Variants in SLC14A2 observed in about 807,000 individuals in gnomAD.
SLC14A2 encodes the protein urea transporter 2.
In SLC14A2, 91 loss-of-function variants were observed where a neutral mutation model predicts 104.6. The observed-to-expected ratio is 0.87, with a 90% CI of 0.73 to 1.04. The LOEUF is 1.04. Among genes scored for constraint, SLC14A2 ranks in the 50% least tolerant of loss-of-function variants. The pLI, the probability that SLC14A2 is intolerant of heterozygous loss-of-function variation, is 0.00. For missense variants in SLC14A2, 1,189 were observed against 1,156.0 expected (o/e 1.03, Z -0.41); for synonymous variants, 476 against 466.4 (o/e 1.02, Z -0.27).
At chr18:45,582,858 G>A (rs565114427) in intron 2 of SLC14A2, among the ~76,000 whole-genome samples, 3 of 152,238 alleles carry the variant, frequency 2.0e-5, no homozygotes, top group East Asian at 1.9e-4. Context: ...CACTCCAGAT[G>A]ACAAAATGGA....
chr18:45,460,387 A>C (rs1337632916), intron 1 of SLC14A2, among the ~76,000 whole-genome samples: 1 of 152,146 alleles, frequency 6.6e-6, no homozygotes, highest in Admixed American at 6.5e-5. Context: ...ACATGTACAC[A>C]CTAGGGCTGC....
At chr18:45,173,556 G>A in the SLC14A2 span, among the ~76,000 whole-genome samples, 19 of 152,018 alleles carry the variant, frequency 1.2e-4, no homozygotes, top group African/African-American at 4.6e-4. Flanking sequence ...CCCGAGAGAA[G>A]TCAGGTCTGC....
At chr18:45,535,922 C>T (rs2043773201) in intron 2 of SLC14A2, among the ~76,000 whole-genome samples, 1 of 152,084 alleles carries the variant, frequency 6.6e-6, no homozygotes, top group Non-Finnish European at 1.5e-5. Context: ...GACATTTAAT[C>T]AAAGGAACAA....
At chr18:45,235,793 G>GCA (rs1270633086) in intron 1 of SLC14A2, among the ~76,000 whole-genome samples, 6 of 127,928 alleles carry the variant, frequency 4.7e-5, no homozygotes, top group African/African-American at 1.0e-4. Flanking sequence ...CAATGTGTAT[G>GCA]CGCGTGTGTG....
At chr18:45,610,636 T>C (rs2044957728), upstream of SLC14A2, among the ~76,000 whole-genome samples, 2 of 152,198 alleles carry the variant, frequency 1.3e-5, no homozygotes, top group Non-Finnish European at 2.9e-5. Flanking sequence ...TGTCTCCTGG[T>C]AGGTTTCAGC....
intron 2 of SLC14A2, among the ~76,000 whole-genome samples, chr18:45,567,354 T>A (rs900450243): frequency 1.3e-4 from 20 of 152,074 alleles, no homozygotes; most frequent in Non-Finnish European, 2.5e-4. Flanking sequence ...TCCACTGGCC[T>A]GCATTTGACC....
intron 2 of SLC14A2, among the ~76,000 whole-genome samples, chr18:45,513,634 C>CAG (rs1555698940): frequency 6.6e-6 from 1 of 152,054 alleles, no homozygotes; most frequent in Non-Finnish European, 1.5e-5. Flanking sequence ...AGATTTTATC[C>CAG]ATATATACAT....
At chr18:45,476,581 A>G (rs1040376703) in intron 1 of SLC14A2, among the ~76,000 whole-genome samples, 2 of 152,080 alleles carry the variant, frequency 1.3e-5, no homozygotes, top group African/African-American at 4.8e-5. Flanking sequence ...GTGTTTTCCA[A>G]CTTGGTTCCA....
intron 1 of SLC14A2, among the ~76,000 whole-genome samples, chr18:45,364,022 G>A (rs543689391): frequency 7.3e-4 from 111 of 152,224 alleles, no homozygotes; most frequent in Non-Finnish European, 1.3e-3. Context: ...CCTAATAACT[G>A]TACCCATCCT....
intron 1 of SLC14A2, among the ~76,000 whole-genome samples, chr18:45,481,793 C>T (rs1320440430): frequency 2.0e-5 from 3 of 152,202 alleles, no homozygotes; most frequent in Admixed American, 6.5e-5. Flanking sequence ...ATTTTCAGGA[C>T]TTCTGTGTCC....
chr18:45,472,590 G>C (rs148416317), intron 1 of SLC14A2, among the ~76,000 whole-genome samples: 31,919 of 152,014 alleles, frequency 0.21, 3,763 homozygotes, highest in Non-Finnish European at 0.27. Context: ...AGATGGTATC[G>C]CATTGTGGTT....
At chr18:45,434,671 T>C (rs1269052259) in intron 1 of SLC14A2, among the ~76,000 whole-genome samples, 1 of 152,166 alleles carries the variant, frequency 6.6e-6, no homozygotes, top group Non-Finnish European at 1.5e-5. Flanking sequence ...TATTAAGAGA[T>C]TGAAAAATAG....
intron 1 of SLC14A2, among the ~76,000 whole-genome samples, chr18:45,428,683 G>A (rs1045075057): frequency 6.6e-6 from 1 of 152,236 alleles, no homozygotes; most frequent in African/African-American, 2.4e-5. Flanking sequence ...TCTGGGTAGA[G>A]AGGTGAGCAG....
rs923061675 is a variant in SLC14A2, at chr18:45,369,106, G to A, written c.-124-114127G>A. On this transcript the variant is annotated intron_variant, in intron 1 of 20. Coordinates refer to the SLC14A2 transcript ENST00000586448. ...TCTGCATGGGTCTCAGTCAACATGGGAAAAGCAAATAAACACTAACACTGC... is the reference window on the plus strand; with the variant it reads ...TCTGCATGGGTCTCAGTCAACATGGAAAAAGCAAATAAACACTAACACTGC... 4.5e-4 allele frequency among the ~76,000 whole-genome samples: 69 copies of A among 152,066 alleles called. 1 individual carries two copies. The highest frequency in any genetic ancestry group is 8.3e-4 in the South Asian group (4 of 4,808).
At chr18:45,634,064 A>G (rs986704377) in intron 5 of SLC14A2, among the ~76,000 whole-genome samples, 1 of 152,180 alleles carries the variant, frequency 6.6e-6, no homozygotes, top group East Asian at 1.9e-4. Flanking sequence ...ATTAGACTTC[A>G]GTGCCCCCCA....
chr18:45,257,914 A>G (rs2084496779), intron 1 of SLC14A2, among the ~76,000 whole-genome samples: 1 of 152,218 alleles, frequency 6.6e-6, no homozygotes, highest in South Asian at 2.1e-4. Context: ...GAGAAATATC[A>G]GGCACAACTA....
the SLC14A2 span, among the ~76,000 whole-genome samples, chr18:45,206,237 G>T: frequency 1.3e-5 from 2 of 152,198 alleles, no homozygotes; most frequent in African/African-American, 4.8e-5. Flanking sequence ...AGTCACTGGA[G>T]AACATACTTT....
At chr18:45,341,537 G>C (rs1031469360) in intron 1 of SLC14A2, among the ~76,000 whole-genome samples, 7 of 149,922 alleles carry the variant, frequency 4.7e-5, no homozygotes, top group Middle Eastern at 3.4e-3. Context: ...CATTTTGTTG[G>C]TGAATTCACT....
chr18:45,200,753 T>C, the SLC14A2 span, among the ~76,000 whole-genome samples: 1 of 152,208 alleles, frequency 6.6e-6, no homozygotes, highest in African/African-American at 2.4e-5. Flanking sequence ...AGATTTCTTT[T>C]TTTAAAAAGA....
Sources: gnomAD v4.1 joint callset for allele counts (sites outside exome capture counted in the v4.1 genomes callset) on GRCh38, gnomAD v4.1.1 for gene constraint, MANE v1.5 for transcripts, NCBI Gene and HGNC (gene_info 2026-07-23, HGNC 2026-07-21) for gene names.